Variants in KIAA0825 observed in about 807,000 individuals in gnomAD.
The protein encoded by KIAA0825 is uncharacterized protein KIAA0825.
In KIAA0825, 119 loss-of-function variants were observed where a neutral mutation model predicts 147.6. The observed-to-expected ratio is 0.81, with a 90% CI of 0.69 to 0.94. The LOEUF is 0.94. KIAA0825 is among the 40% of genes least tolerant of loss of function. The pLI, the probability that KIAA0825 is intolerant of heterozygous loss-of-function variation, is 0.00. For synonymous variants in KIAA0825, 470 were observed against 518.1 expected (o/e 0.91, Z 1.26); for missense variants, 1,381 against 1,472.7 (o/e 0.94, Z 1.02).
chr5:94,307,266 C>G (rs1778803152), intron 20 of KIAA0825, among the ~76,000 whole-genome samples: 1 of 151,780 alleles, frequency 6.6e-6, no homozygotes, highest in African/African-American at 2.4e-5. Context: ...ATTTTTCTAA[C>G]TACATTGCTT....
chr5:94,527,958 T>C (rs918587228), intron 3 of KIAA0825, among the ~76,000 whole-genome samples: 1 of 151,952 alleles, frequency 6.6e-6, no homozygotes, highest in African/African-American at 2.4e-5. Context: ...CTGGATAATA[T>C]TTTTTAAAAG....
intron 20 of KIAA0825, among the ~76,000 whole-genome samples, chr5:94,294,351 T>C (rs1778040868): frequency 6.6e-6 from 1 of 152,250 alleles, no homozygotes; most frequent in Non-Finnish European, 1.5e-5. Flanking sequence ...CAGCATTTAC[T>C]TGTCTGTAAA....
chr5:94,578,701 AT>A (rs1781513002), intron 2 of KIAA0825, among the ~76,000 whole-genome samples: 1 of 152,192 alleles, frequency 6.6e-6, no homozygotes, highest in African/African-American at 2.4e-5. Context: ...AAGATACTTA[AT>A]TCTAAATTTA....
intron 6 of KIAA0825, among the ~76,000 whole-genome samples, chr5:94,480,756 G>A (rs1192213970): frequency 3.3e-5 from 5 of 151,990 alleles, no homozygotes; most frequent in Non-Finnish European, 5.9e-5. Flanking sequence ...CCTCTTGCTG[G>A]TGAGCAATTC....
chr5:94,612,909 G>A (rs749072867), intron 1 of KIAA0825, among the ~76,000 whole-genome samples: 3 of 152,116 alleles, frequency 2.0e-5, no homozygotes, highest in Non-Finnish European at 2.9e-5. Flanking sequence ...TCTGATGCTT[G>A]TGTACCTACA....
At chr5:94,420,647 A>G (rs139885754) in intron 14 of KIAA0825, among the ~76,000 whole-genome samples, 290 of 152,302 alleles carry the variant, frequency 1.9e-3, no homozygotes, top group African/African-American at 6.6e-3. Context: ...CACCTGGATC[A>G]ATGCTACATG....
At chr5:94,609,000 A>G (rs1788185024) in intron 1 of KIAA0825, among the ~76,000 whole-genome samples, 1 of 152,220 alleles carries the variant, frequency 6.6e-6, no homozygotes, top group Non-Finnish European at 1.5e-5. Flanking sequence ...TATTAAAAGT[A>G]CAAAATAGAC....
intron 2 of KIAA0825, among the ~76,000 whole-genome samples, chr5:94,573,901 T>C (rs1780461667): frequency 6.6e-6 from 1 of 152,162 alleles, no homozygotes; most frequent in Non-Finnish European, 1.5e-5. Context: ...TGATAAGAAT[T>C]TCTGGTTTGT....
At chr5:94,246,236 G>A (rs1472991242) in intron 20 of KIAA0825, among the ~76,000 whole-genome samples, 1 of 152,100 alleles carries the variant, frequency 6.6e-6, no homozygotes, top group East Asian at 1.9e-4. Flanking sequence ...TTCCAAAGTG[G>A]CAAAGTGAAC....
intron 20 of KIAA0825, among the ~76,000 whole-genome samples, chr5:94,377,887 A>T (rs1747812581): frequency 6.6e-6 from 1 of 152,194 alleles, no homozygotes; most frequent in Admixed American, 6.5e-5. Context: ...ACTCCACCTT[A>T]AAGTTTTCTA....
chr5:94,403,709 T>A lies in KIAA0825; in HGVS notation c.2747A>T (p.Gln916Leu). The stretch of plus-strand genomic sequence containing the variant: ...CCTAGAACTCATTACAGATACTATC[T>A]GCTGTACAGTGTCCTTGATGGCATC... ...LTDAIKDTVQ[Q>L]IVSVMSSRRN... Residue 916 changes from glutamine to leucine, a missense_variant, in exon 16 of 21, where the codon CAG becomes CTG. Coordinates refer to ENST00000682413, the MANE Select transcript of KIAA0825 (RefSeq NM_001145678.3). 2.6e-6 allele frequency: 4 copies of A among 1,551,612 alleles called. No individual in the cohort carries two copies. The highest frequency in any genetic ancestry group is 3.5e-6 in the Non-Finnish European group (4 of 1,146,898).
intron 1 of KIAA0825, among the ~76,000 whole-genome samples, chr5:94,589,695 T>G (rs1483423790): frequency 6.6e-6 from 1 of 152,192 alleles, no homozygotes; most frequent in African/African-American, 2.4e-5. Flanking sequence ...TTTGTATATA[T>G]GTATTATGTG....
chr5:94,456,102 C>T (rs939447744), intron 12 of KIAA0825, among the ~76,000 whole-genome samples: 24 of 152,084 alleles, frequency 1.6e-4, no homozygotes, highest in Non-Finnish European at 3.5e-4. Flanking sequence ...GAGAAAATGA[C>T]GGGACAAGAC....
intron 20 of KIAA0825, among the ~76,000 whole-genome samples, chr5:94,264,401 A>G (rs1018700522): frequency 2.6e-5 from 4 of 152,170 alleles, no homozygotes; most frequent in Non-Finnish European, 5.9e-5. Context: ...TGTGTGTTAA[A>G]TGAATGAATA....
intron 20 of KIAA0825, among the ~76,000 whole-genome samples, chr5:94,295,671 G>A (rs1260093832): frequency 6.6e-6 from 1 of 152,162 alleles, no homozygotes; most frequent in African/African-American, 2.4e-5. Flanking sequence ...CCTTCTAACA[G>A]TCAGGCCCTT....
rs560691373 is a variant in KIAA0825 at position 94,311,243 on chromosome 5, G to GTT, written c.3710+73123_3710+73124dup. 8.0e-3 allele frequency among the ~76,000 whole-genome samples: 1,162 copies of GTT among 145,776 alleles called. 10 individuals are homozygous for GTT. The highest frequency in any genetic ancestry group is 0.027 in the African/African-American group (1,087 of 39,986). On this transcript the variant is annotated intron_variant, in intron 20 of 20. Transcript: ENST00000682413. ...TTGTTTTTGGATTTTTGTTTTTTGG[G>GTT]TTTTTTTTTTGTTGTTGTTGTTCTT...
intron 20 of KIAA0825, among the ~76,000 whole-genome samples, chr5:94,165,863 G>T (rs1352795641): frequency 6.6e-6 from 1 of 152,242 alleles, no homozygotes; most frequent in Non-Finnish European, 1.5e-5. Context: ...GGGAAGAGTA[G>T]TGAGGGGCTG....
At chr5:94,362,561 G>A (rs1745210205) in intron 20 of KIAA0825, among the ~76,000 whole-genome samples, 1 of 152,062 alleles carries the variant, frequency 6.6e-6, no homozygotes, top group African/African-American at 2.4e-5. Flanking sequence ...CCAGATGTAC[G>A]TTCTGACTCC....
chr5:94,189,794 T>G (rs1770494075), intron 20 of KIAA0825, among the ~76,000 whole-genome samples: 1 of 152,172 alleles, frequency 6.6e-6, no homozygotes, highest in Admixed American at 6.5e-5. Context: ...TTAAAAATTA[T>G]CTTGCCAAAT....
Sources: allele counts gnomAD v4.1 joint callset (sites outside exome capture counted in the v4.1 genomes callset), GRCh38; gene constraint gnomAD v4.1.1; transcripts MANE v1.5; gene names NCBI Gene and HGNC (gene_info 2026-07-23, HGNC 2026-07-21).